Variants in MYO16 observed in about 807,000 individuals in gnomAD.
The protein encoded by MYO16 is unconventional myosin-XVI.
In MYO16, 94 loss-of-function variants were observed where a neutral mutation model predicts 205.3. That is an observed-to-expected ratio of 0.46 (90% confidence interval 0.39 to 0.54). The LOEUF is 0.54. MYO16 is among the 20% of genes least tolerant of loss of function. The pLI is 0.00. For synonymous variants in MYO16, 988 were observed against 954.0 expected (o/e 1.04, Z -0.66); for missense variants, 2,315 against 2,387.5 (o/e 0.97, Z 0.63).
chr13:108,718,671 G>A (rs1181087354), intron 3 of MYO16, among the ~76,000 whole-genome samples: 4 of 152,088 alleles, frequency 2.6e-5, no homozygotes, highest in East Asian at 2.0e-4. Context: ...GCCACGGACT[G>A]TGAACAAGAG....
upstream of MYO16, among the ~76,000 whole-genome samples, chr13:108,593,098 A>G (rs1284019441): frequency 6.6e-6 from 1 of 152,170 alleles, no homozygotes; most frequent in South Asian, 2.1e-4. Context: ...TTTCAATGTC[A>G]TCTGTGAGGG....
Position 108,855,573 on chromosome 13 carries a change from C to T in MYO16, c.1359+20C>T, listed in dbSNP as rs751701547. ...ATCTATGTGAGTGCCCTGGAAATTG[C>T]CTTTTGCACTGTTTTTCTCTTGCTG... is the stretch of plus-strand genomic sequence containing the variant. On this transcript the variant is annotated intron_variant, in intron 11 of 34. Coordinates refer to ENST00000457511, the MANE Select transcript of MYO16 (RefSeq NM_001198950.3). The T allele has an allele frequency of 6.8e-7, 1 of 1,471,570 alleles. No individual in the cohort carries two copies. Among genetic ancestry groups the T allele is most frequent in the South Asian group, 1.2e-5 (1 of 80,582 alleles). 91.2% of individuals were successfully genotyped at this position (1,471,570 alleles called of 1,614,324 possible). A position where few individuals can be genotyped will look rare whatever the true frequency, so the allele number is the denominator to read the frequency against.
chr13:108,691,331 C>G (rs894795939), intron 2 of MYO16, among the ~76,000 whole-genome samples: 1 of 151,500 alleles, frequency 6.6e-6, no homozygotes, highest in East Asian at 1.9e-4. Flanking sequence ...TTTTAAATAA[C>G]GGAAGGAAAC....
At chr13:108,698,594 C>T (rs991293407) in intron 2 of MYO16, among the ~76,000 whole-genome samples, 20 of 152,100 alleles carry the variant, frequency 1.3e-4, no homozygotes, top group African/African-American at 4.8e-4. Context: ...GATGAAACTG[C>T]AGGGTGGGGT....
At chr13:109,169,402 AAG>A (rs1326979120) in intron 33 of MYO16, among the ~76,000 whole-genome samples, 6 of 152,220 alleles carry the variant, frequency 3.9e-5, no homozygotes, top group Non-Finnish European at 8.8e-5. Context: ...AAAGGAAGGA[AAG>A]AGAAAGTTGT....
At chr13:108,982,254 C>T (rs146117128) in intron 20 of MYO16, among the ~76,000 whole-genome samples, 265 of 152,290 alleles carry the variant, frequency 1.7e-3, no homozygotes, top group Middle Eastern at 3.4e-3. Context: ...GAGGCAGGGG[C>T]GTGGCTAACT....
chr13:108,674,180 G>A (rs886945700), intron 2 of MYO16, among the ~76,000 whole-genome samples: 10 of 152,096 alleles, frequency 6.6e-5, no homozygotes, highest in African/African-American at 2.4e-4. Flanking sequence ...AGTGTAGGCT[G>A]AGGTCAAAGA....
rs558343897 is a variant in MYO16, at chr13:109,125,053, T to C, written c.3536-59T>C. ...ATAAGTATATTATGATTTTTGTTTG[T>C]GCATGTCTGAGTTTTTCACTTTTCC... On this transcript the variant is annotated intron_variant, in intron 29 of 34. Transcript: ENST00000457511. The surrounding 1 kb of genome is among the most constrained non-coding windows in gnomAD (Gnocchi z 4.0). 1 of 1,565,672 alleles carries C rather than the reference T, an allele frequency of 6.4e-7. No individual in the cohort carries two copies. Among genetic ancestry groups the C allele is most frequent in the Non-Finnish European group, 8.7e-7 (1 of 1,146,756 alleles).
intron 1 of MYO16, among the ~76,000 whole-genome samples, chr13:108,605,399 T>G (rs1729626321): frequency 6.6e-6 from 1 of 152,206 alleles, no homozygotes; most frequent in Admixed American, 6.5e-5. Context: ...GGTCTGGCTC[T>G]GTGTCCCCAC....
chr13:108,670,746 A>G (rs1455839067), intron 2 of MYO16, among the ~76,000 whole-genome samples: 1 of 152,234 alleles, frequency 6.6e-6, no homozygotes, highest in Non-Finnish European at 1.5e-5. Context: ...AGAGTTTCCC[A>G]TCCTGAAACT....
intron 1 of MYO16, among the ~76,000 whole-genome samples, chr13:108,605,131 A>C (rs891005741): frequency 6.6e-6 from 1 of 152,188 alleles, no homozygotes; most frequent in African/African-American, 2.4e-5. Flanking sequence ...TCACAGTTAT[A>C]TGCTTGTTCA....
the MYO16 span, among the ~76,000 whole-genome samples, chr13:108,527,769 A>G: frequency 2.7e-3 from 407 of 152,338 alleles, 3 homozygotes; most frequent in African/African-American, 9.1e-3. Flanking sequence ...TAATGTAGGA[A>G]TTTCAGTTCA....
At position 109,055,558 on chromosome 13, in the gene MYO16, T is replaced by C. The variant is rs760100612; in HGVS notation, c.3298T>C (p.Tyr1100His). The part of the protein sequence containing the change: ...LEMVKIFRYG[Y>H]PVRLSFSDFL... The stretch of plus-strand genomic sequence containing the variant: ...GATGGTGAAGATCTTCCGATATGGA[T>C]ACCCTGTTCGCCTTTCCTTCTCGGA... Residue 1100 changes from tyrosine (Y) to histidine (H), a missense_variant, in exon 27 of 35, where the codon TAC becomes CAC. Transcript: ENST00000457511. The surrounding 1 kb of genome is among the most constrained non-coding windows in gnomAD (Gnocchi z 5.0). 2.0e-5 allele frequency: 32 copies of C among 1,612,546 alleles called. No individual in the cohort carries two copies. Among genetic ancestry groups the C allele is most frequent in the Non-Finnish European group, 2.6e-5 (31 of 1,179,340 alleles).
chr13:109,136,940 GA>G (rs1876803746), intron 31 of MYO16, among the ~76,000 whole-genome samples: 1 of 152,224 alleles, frequency 6.6e-6, no homozygotes, highest in Non-Finnish European at 1.5e-5. Context: ...AGACACCAAA[GA>G]AAAGGTTATT....
At chr13:108,883,358 G>C (rs932313303) in intron 13 of MYO16, among the ~76,000 whole-genome samples, 172 bp downstream of exon 13, 1 of 152,200 alleles carries the variant, frequency 6.6e-6, no homozygotes, top group Admixed American at 6.5e-5. Context: ...CATCTTGGCT[G>C]TTAGGAGTAG....
At chr13:108,862,522 T>A (rs1427275019) in intron 11 of MYO16, among the ~76,000 whole-genome samples, 2 of 152,170 alleles carry the variant, frequency 1.3e-5, no homozygotes, top group Non-Finnish European at 2.9e-5. Context: ...CACAGCACCT[T>A]TGTCCTAAAC....
intron 27 of MYO16, among the ~76,000 whole-genome samples, chr13:109,064,176 A>G (rs1201492996): frequency 6.6e-6 from 1 of 152,194 alleles, no homozygotes; most frequent in Admixed American, 6.5e-5. Flanking sequence ...AAACGGTTAT[A>G]TAAGTACCTA....
intron 20 of MYO16, among the ~76,000 whole-genome samples, chr13:108,965,229 GA>G (rs1883747710): frequency 6.6e-6 from 1 of 152,116 alleles, no homozygotes; most frequent in South Asian, 2.1e-4. Context: ...CCAGGAAGAA[GA>G]CACTCTAAGA....
chr13:108,625,471 A>C (rs1405367120), upstream of MYO16, among the ~76,000 whole-genome samples: 1 of 152,198 alleles, frequency 6.6e-6, no homozygotes, highest in Non-Finnish European at 1.5e-5. Context: ...TCTCCTCTGT[A>C]GGCTTCAGCC....
Sources: gnomAD v4.1 joint callset for allele counts (sites outside exome capture counted in the v4.1 genomes callset) on GRCh38, gnomAD v4.1.1 for gene constraint, Gnocchi (gnomAD v3.1) non-coding constraint, MANE v1.5 for transcripts, NCBI Gene and HGNC (gene_info 2026-07-23, HGNC 2026-07-21) for gene names.